Variants in C5orf63 observed in about 807,000 individuals in gnomAD.
C5orf63 encodes chromosome 5 open reading frame 63.
C5orf63 carries 18 observed loss-of-function variants against 13.3 expected under a neutral mutation model. The ratio of observed to expected loss-of-function variants is 1.36; its 90% CI spans 0.94 to 2.01. The LOEUF (loss-of-function observed/expected upper bound fraction) is 2.01, where lower values mean the gene tolerates loss of function less well. Among genes scored for constraint, C5orf63 ranks in the 30% most tolerant of loss-of-function variants. The pLI is 0.00. For missense variants in C5orf63, 118 were observed against 127.7 expected (o/e 0.92, Z 0.36); for synonymous variants, 38 against 44.7 (o/e 0.85, Z 0.60).
At chr5:127,058,709 G>A (rs1300696027) in intron 3 of C5orf63, 173 bp downstream of exon 3, 2 of 572,682 alleles carry the variant, frequency 3.5e-6, no homozygotes, top group African/African-American at 3.8e-5. Flanking sequence ...TTTGCTAATT[G>A]GGAGATAATA....
chr5:127,052,839 T>C lies in C5orf63; in HGVS notation c.115-170A>G, dbSNP rs921134405. ...TCCAAAGTAAAACACTACCATAGAA[T>C]CTTATAAATAACTAATATTTCATAG... On this transcript the variant is annotated intron_variant, in intron 3 of 4. Coordinates refer to ENST00000296662, the MANE Select transcript of C5orf63 (RefSeq NM_001164478.2). 3.3e-5 allele frequency among the ~76,000 whole-genome samples: 5 copies of C among 152,378 alleles called. No individual in the cohort carries two copies. The East Asian group carries it at 7.7e-4, about 23-fold the overall frequency.
chr5:127,051,476 A>G lies in C5orf63; in HGVS notation c.*295T>C. The G allele has an allele frequency of 8.1e-7, 1 of 1,233,950 alleles. No individual in the cohort carries two copies. The highest frequency in any genetic ancestry group is 1.5e-5 in the African/African-American group (1 of 64,562). The allele number at this position is 1,233,950 out of a possible 1,614,324, so 76.4% of individuals were successfully genotyped here. A position where few individuals can be genotyped will look rare whatever the true frequency, so the allele number is the denominator to read the frequency against. On this transcript the variant is annotated 3_prime_UTR_variant, in exon 5 of 5. Coordinates refer to ENST00000296662, the MANE Select transcript of C5orf63 (RefSeq NM_001164478.2). ...AAATGGCATTGCCCAGTGACTGTGAAGTGCTTCTCTATTAATACAAAAAGG... is the reference window on the plus strand; with the variant it reads ...AAATGGCATTGCCCAGTGACTGTGAGGTGCTTCTCTATTAATACAAAAAGG...
At chr5:127,073,288 C>T (rs1198615508) in intron 1 of C5orf63, 163 bp downstream of exon 1, 1 of 152,176 alleles carries the variant, frequency 6.6e-6, no homozygotes, top group Non-Finnish European at 1.5e-5. Flanking sequence ...ATAATCTCCC[C>T]CAAGTAGTTC....
chr5:127,071,220 T>G (rs1370900953), intron 2 of C5orf63, among the ~76,000 whole-genome samples: 2 of 152,134 alleles, frequency 1.3e-5, no homozygotes, highest in Non-Finnish European at 2.9e-5. Flanking sequence ...AATACCACAG[T>G]GATGAAGGCT....
At chr5:127,061,140 A>G in intron 2 of C5orf63, among the ~76,000 whole-genome samples, 1 of 152,150 alleles carries the variant, frequency 6.6e-6, no homozygotes, top group Non-Finnish European at 1.5e-5. Flanking sequence ...TCCTCAGGGT[A>G]CCCACAAAAT....
chr5:127,054,718 T>C (rs1178744001), intron 3 of C5orf63, among the ~76,000 whole-genome samples: 2 of 152,240 alleles, frequency 1.3e-5, no homozygotes, highest in Admixed American at 6.5e-5. Context: ...TTTCTTTTGC[T>C]GTGCAGAAGC....
At chr5:127,060,870 C>T (rs1195905119) in intron 2 of C5orf63, among the ~76,000 whole-genome samples, 1 of 152,162 alleles carries the variant, frequency 6.6e-6, no homozygotes, top group Admixed American at 6.5e-5. Flanking sequence ...TTCTTTTGCC[C>T]TTTACTATCA....
In C5orf63 at chr5:127,063,895, A is replaced by AAC. The variant is rs765548676; in HGVS notation, c.-7-4895_-7-4894dup. ...AAATGACTGGAAACATGTACACACA[A>AAC]ACACACACACACACCTCTTCTGGGA... On this transcript the variant is annotated intron_variant, in intron 2 of 4. Coordinates refer to ENST00000296662, the MANE Select transcript of C5orf63 (RefSeq NM_001164478.2). Among the ~76,000 whole-genome samples, 11 of 152,116 alleles carry AAC rather than the reference A, an allele frequency of 7.2e-5. No individual in the cohort carries two copies. In the South Asian group the frequency reaches 1.2e-3, roughly 17 times the overall value.
At chr5:127,059,034 T>A (rs898679492) in intron 2 of C5orf63, 32 bp from the exon 3 acceptor site, 1 of 1,269,768 alleles carries the variant, frequency 7.9e-7, no homozygotes. Flanking sequence ...AGTAAACTTA[T>A]GTGCCCTAGA....
At chr5:127,046,175 C>T (rs1261050855) in exon 5 of C5orf63, 3 of 152,250 alleles carry the variant, frequency 2.0e-5, no homozygotes, top group South Asian at 2.1e-4. Context: ...GGAGAATTCA[C>T]CATGTCTTAC....
chr5:127,043,072 C>T (rs904801104), downstream of C5orf63: 2 of 152,222 alleles, frequency 1.3e-5, no homozygotes, highest in Non-Finnish European at 2.9e-5. Context: ...CTCTTGAAGG[C>T]ATCTGCTGGT....
At chr5:127,059,193 G>A (rs771288842) in intron 2 of C5orf63, among the ~76,000 whole-genome samples, 191 bp from the exon 3 acceptor site, 6 of 152,084 alleles carry the variant, frequency 3.9e-5, no homozygotes, top group Non-Finnish European at 8.8e-5. Context: ...TATTCCGAAC[G>A]AAACAGAATT....
chr5:127,073,418 G>T (rs539398642), intron 1 of C5orf63, 33 bp downstream of exon 1: 6 of 152,286 alleles, frequency 3.9e-5, no homozygotes, highest in African/African-American at 1.4e-4. Flanking sequence ...ACCCGCGAGC[G>T]CTCACCCTCG....
chr5:127,048,952 C>T (rs944618164), downstream of C5orf63, among the ~76,000 whole-genome samples: 8 of 152,180 alleles, frequency 5.3e-5, no homozygotes, highest in Non-Finnish European at 1.2e-4. Flanking sequence ...AGGGGCTACA[C>T]AATTCTCACC....
At position 127,052,668 on chromosome 5, in the gene C5orf63, T is replaced by C. The variant is rs1407581039; in HGVS notation, c.116A>G (p.Asp39Gly). ...GGCTTCATCACAAAGGGGGCATGGG[T>C]CCTACAGGAAGAAAAAAAACCCAAG... ...TLPVLTLFTKDPCPLCDEAKE... is the reference protein window; with the variant it reads ...TLPVLTLFTKGPCPLCDEAKE... The change falls in exon 4 of 5, where the codon GAC becomes GGC. Residue 39 changes from aspartate (D) to glycine (G), a missense_variant and splice_region_variant. Transcript: ENST00000296662. The C allele has an allele frequency of 6.7e-7, 1 of 1,491,446 alleles. No homozygotes were observed. Among genetic ancestry groups the C allele is most frequent in the Non-Finnish European group, 8.8e-7 (1 of 1,131,388 alleles). The allele number at this position is 1,491,446 out of a possible 1,614,324, so 92.4% of individuals were successfully genotyped here. A position where few individuals can be genotyped will look rare whatever the true frequency, so the allele number is the denominator to read the frequency against.
At chr5:127,044,436 G>A (rs543425580), downstream of C5orf63, 159 of 152,250 alleles carry the variant, frequency 1.0e-3, no homozygotes, top group African/African-American at 3.4e-3. Flanking sequence ...TTGAACCTGA[G>A]AGAGGAGGTA....
Position 127,069,238 on chromosome 5 carries a change from T to C in C5orf63, c.-8+2346A>G, listed in dbSNP as rs868442261. The stretch of plus-strand genomic sequence containing the variant: ...TAGTTCAAGGGATGGGAAAAAAGTA[T>C]ATAAGGAATTAGGCAGGCTCCTTTC... On this transcript the variant is annotated intron_variant, in intron 2 of 4. Transcript: ENST00000296662. Among the ~76,000 whole-genome samples the C allele has an allele frequency of 4.6e-5, 7 of 152,292 alleles. No individual in the cohort carries two copies. In the Middle Eastern group the frequency reaches 0.017, roughly 370 times the overall value.
At chr5:127,052,723 T>C in intron 3 of C5orf63, 54 bp from the exon 4 acceptor site, 2 of 1,381,792 alleles carry the variant, frequency 1.4e-6, no homozygotes, top group Non-Finnish European at 1.9e-6. Flanking sequence ...GCATTTGCCC[T>C]TACAAAAACA....
At position 127,051,559 on chromosome 5, in the gene C5orf63, CTCT is replaced by C. The variant is rs1753676688; in HGVS notation, c.*209_*211del. 3 of 1,246,344 alleles carry C rather than the reference CTCT, an allele frequency of 2.4e-6. No homozygotes were observed. Among genetic ancestry groups the C allele is most frequent in the African/African-American group, 1.5e-5 (1 of 64,792 alleles). The allele number at this position is 1,246,344 out of a possible 1,614,324, so 77.2% of individuals were successfully genotyped here. On this transcript the variant is annotated 3_prime_UTR_variant, in exon 5 of 5. Transcript: ENST00000296662. ...CATCATCTCCCTCCCTGCTAATATG[CTCT>C]TCTTATTTTATAAAATGCCATTAAG...
Sources: allele counts gnomAD v4.1 joint callset (sites outside exome capture counted in the v4.1 genomes callset), GRCh38; gene constraint gnomAD v4.1.1; transcripts MANE v1.5; gene names NCBI Gene and HGNC (gene_info 2026-07-23, HGNC 2026-07-21).